The following DCBLD1 variants were observed in gnomAD, a reference collection of about 807,000 sequenced individuals.
DCBLD1 encodes discoidin, CUB and LCCL domain-containing protein 1.
DCBLD1 carries 57 observed loss-of-function variants against 71.5 expected under a neutral mutation model. That is an observed-to-expected ratio of 0.80 (90% confidence interval 0.64 to 0.99). The LOEUF is 0.99. Ranked by LOEUF, DCBLD1 falls within the 50% of genes least tolerant of loss-of-function variation. The pLI, the probability that DCBLD1 is intolerant of heterozygous loss-of-function variation, is 0.00. For missense variants in DCBLD1, 891 were observed against 923.5 expected (o/e 0.96, Z 0.46); for synonymous variants, 380 against 363.8 (o/e 1.04, Z -0.51).
intron 3 of DCBLD1, among the ~76,000 whole-genome samples, chr6:117,520,740 G>T (rs561158890): frequency 2.5e-4 from 38 of 152,314 alleles, no homozygotes; most frequent in Non-Finnish European, 4.7e-4. Context: ...TACCAAATCT[G>T]CCTATGGTCA....
intron 1 of DCBLD1, among the ~76,000 whole-genome samples, chr6:117,501,786 C>T (rs922654556): frequency 1.3e-5 from 2 of 152,194 alleles, no homozygotes; most frequent in African/African-American, 4.8e-5. Flanking sequence ...TAATTCTTGG[C>T]AATTTTGTGT....
rs923530130 is a variant in DCBLD1 at position 117,526,956 on chromosome 6, T to C, written c.585+1522T>C. Among the ~76,000 whole-genome samples the C allele has an allele frequency of 1.8e-4, 27 of 152,318 alleles. 1 individual carries two copies. The highest frequency in any genetic ancestry group is 1.2e-3 in the Admixed American group (18 of 15,300). The stretch of plus-strand genomic sequence containing the variant: ...GGTGTCAGCTGGGGCTGCAATCTCA[T>C]TGGAGGCTCAGCTGGGGAAGGATCT... On this transcript the variant is annotated intron_variant, in intron 5 of 14. Coordinates refer to ENST00000338728, the MANE Select transcript of DCBLD1 (RefSeq NM_001366458.2).
intron 14 of DCBLD1, among the ~76,000 whole-genome samples, chr6:117,556,153 G>T (rs1371315242): frequency 2.0e-5 from 3 of 152,176 alleles, no homozygotes; most frequent in Admixed American, 2.0e-4. Context: ...CCAAGTTTTA[G>T]TGTCGGCCTA....
intron 14 of DCBLD1, chr6:117,561,364 G>A (rs75546989): frequency 0.011 from 2,497 of 224,712 alleles, 40 homozygotes; most frequent in African/African-American, 0.051. Context: ...GATAAAGGAT[G>A]TTCTCTGAAA....
intron 14 of DCBLD1, among the ~76,000 whole-genome samples, chr6:117,559,266 ATAGG>A (rs1483585508): frequency 6.6e-6 from 1 of 152,210 alleles, no homozygotes; most frequent in Non-Finnish European, 1.5e-5. Context: ...GTGAGGAAAA[ATAGG>A]TAGGAAGCTG....
intron 1 of DCBLD1, among the ~76,000 whole-genome samples, chr6:117,483,508 G>T (rs1776978190): frequency 6.6e-6 from 1 of 152,180 alleles, no homozygotes; most frequent in African/African-American, 2.4e-5. Flanking sequence ...AGTTGGAATC[G>T]TGTGGCTTCC....
chr6:117,510,006 C>T (rs1034684085), intron 2 of DCBLD1, among the ~76,000 whole-genome samples: 32 of 152,230 alleles, frequency 2.1e-4, no homozygotes, highest in African/African-American at 7.7e-4. Context: ...GATTTTTCTC[C>T]TCTCTCTTTT....
chr6:117,488,659 T>C (rs1030838226), intron 1 of DCBLD1, among the ~76,000 whole-genome samples: 6 of 152,036 alleles, frequency 3.9e-5, no homozygotes, highest in African/African-American at 1.4e-4. Context: ...AGAAAATAAC[T>C]AAATTCAACT....
At chr6:117,527,227 C>T (rs1365736787) in intron 5 of DCBLD1, among the ~76,000 whole-genome samples, 4 of 152,060 alleles carry the variant, frequency 2.6e-5, no homozygotes, top group Non-Finnish European at 4.4e-5. Context: ...TCACTTTTGC[C>T]GTATTCTTAT....
chr6:117,497,518 C>T (rs185547484), intron 1 of DCBLD1, among the ~76,000 whole-genome samples: 7 of 152,226 alleles, frequency 4.6e-5, no homozygotes, highest in South Asian at 2.1e-4. Flanking sequence ...GCTTGTATAT[C>T]GACAACTCTT....
chr6:117,512,888 A>G (rs1388560132), intron 2 of DCBLD1, among the ~76,000 whole-genome samples: 1 of 152,152 alleles, frequency 6.6e-6, no homozygotes, highest in Admixed American at 6.5e-5. Context: ...TAAAAAAAAA[A>G]TCAGAAATAA....
rs147190022 is a variant in DCBLD1, at chr6:117,488,746, T to C, written c.112+5853T>C. 3.9e-5 allele frequency among the ~76,000 whole-genome samples: 6 copies of C among 152,296 alleles called. No individual in the cohort carries two copies. In the East Asian group the frequency reaches 1.2e-3, roughly 29 times the overall value. On this transcript the variant is annotated intron_variant, in intron 1 of 14. Coordinates refer to ENST00000338728, the MANE Select transcript of DCBLD1 (RefSeq NM_001366458.2). ...ACTGCCATGAGTGAGGGGCCGGCAG[T>C]CTTGAGCAAATGATCCACTGATTTA...
At position 117,521,546 on chromosome 6, in the gene DCBLD1, G is replaced by T; in HGVS notation, c.482G>T (p.Arg161Leu). 6.4e-7 allele frequency: 1 copy of T among 1,570,360 alleles called. No homozygotes were observed. Among genetic ancestry groups the T allele is most frequent in the South Asian group, 1.2e-5 (1 of 84,060 alleles). Residue 161 changes from arginine (R) to leucine (L), a missense_variant, in exon 4 of 15, where the codon CGA becomes CTA. Transcript: ENST00000338728. ...DHPDLITCLE[R>L]ASHYLKTEYS... ...ACAGATTTAATAACATGTTTGGAAC[G>T]AGCTAGCCATTATTTGAAGACAGAA...
Position 117,532,296 on chromosome 6 carries a change from A to G in DCBLD1, c.622A>G (p.Ile208Val). The stretch of plus-strand genomic sequence containing the variant: ...GTGCAAAGCTGCCATCCATGCAGGA[A>G]TAATTGCTGATGAACTAGGTGGCCA... ...LLCKAAIHAGIIADELGGQIS... is the reference protein window; with the variant it reads ...LLCKAAIHAGVIADELGGQIS... Residue 208 changes from isoleucine to valine, a missense_variant, in exon 6 of 15, where the codon ATA (isoleucine) becomes GTA (valine). Physicochemically the swap from Ile to Val is conservative, Grantham distance 29. Coordinates refer to ENST00000338728, the MANE Select transcript of DCBLD1 (RefSeq NM_001366458.2). The G allele has an allele frequency of 6.2e-7, 1 of 1,613,508 alleles. No individual in the cohort carries two copies. The highest frequency in any genetic ancestry group is 8.5e-7 in the Non-Finnish European group (1 of 1,179,858).
intron 4 of DCBLD1, 91 bp from the exon 5 acceptor site, chr6:117,525,271 G>A: frequency 1.1e-6 from 1 of 933,708 alleles, no homozygotes; most frequent in Non-Finnish European, 1.4e-6. Context: ...TTATATGGAG[G>A]GCAGAAAATA....
At chr6:117,545,072 G>A (rs1278403264) in intron 13 of DCBLD1, among the ~76,000 whole-genome samples, 1 of 151,532 alleles carries the variant, frequency 6.6e-6, no homozygotes, top group African/African-American at 2.4e-5. Context: ...ATGGTCCAGA[G>A]AGAGAGGGCA....
chr6:117,568,500 T>A (rs964316953), intron 14 of DCBLD1, among the ~76,000 whole-genome samples: 1 of 152,182 alleles, frequency 6.6e-6, no homozygotes, highest in Non-Finnish European at 1.5e-5. Flanking sequence ...TCACCAGTTA[T>A]CCCACTCTTT....
At chr6:117,551,547 T>A (rs1779428241), downstream of DCBLD1, among the ~76,000 whole-genome samples, 2 of 151,982 alleles carry the variant, frequency 1.3e-5, no homozygotes, top group African/African-American at 4.8e-5. Flanking sequence ...GCCCAGCTAA[T>A]TTTTTGTATT....
At chr6:117,535,127 T>C (rs1236066661) in intron 6 of DCBLD1, among the ~76,000 whole-genome samples, 1 of 152,210 alleles carries the variant, frequency 6.6e-6, no homozygotes, top group African/African-American at 2.4e-5. Context: ...CACACATGAT[T>C]GTTTGGCATT....
Sources: gnomAD v4.1 joint callset for allele counts (sites outside exome capture counted in the v4.1 genomes callset) on GRCh38, gnomAD v4.1.1 for gene constraint, MANE v1.5 for transcripts, NCBI Gene and HGNC (gene_info 2026-07-23, HGNC 2026-07-21) for gene names.